The following MYO18A variants were observed in gnomAD, a reference collection of about 807,000 sequenced individuals.
The protein encoded by MYO18A is unconventional myosin-XVIIIa.
MYO18A carries 78 observed loss-of-function variants against 235.8 expected under a neutral mutation model. That is an observed-to-expected ratio of 0.33 (90% confidence interval 0.28 to 0.40). The LOEUF (loss-of-function observed/expected upper bound fraction) is 0.40, where lower values mean the gene tolerates loss of function less well. Ranked by LOEUF, MYO18A falls within the 10% of genes least tolerant of loss-of-function variation. The probability of loss-of-function intolerance (pLI) is 1.00; values close to 1 mark genes in which losing one functional copy is unlikely to be tolerated. For missense variants in MYO18A, 2,215 were observed against 2,699.3 expected (o/e 0.82, Z 3.98); for synonymous variants, 977 against 1,077.8 (o/e 0.91, Z 1.83).
chr17:29,097,813 G>T lies in MYO18A; in HGVS notation c.4077C>A (p.Asn1359Lys), dbSNP rs554944735. Reference protein sequence around the residue: ...EARLIRAAEINGEVDDDDAGG... With the variant: ...EARLIRAAEIKGEVDDDDAGG... ...CTGCATCATCATCATCCACTTCCCC[G>T]TTGATCTCCGCTGCCCGGATGAGAC... is the stretch of plus-strand genomic sequence containing the variant. The change falls in exon 26 of 42, where the codon AAC becomes AAA. Residue 1359 changes from asparagine (N) to lysine (K), a missense_variant. Coordinates refer to ENST00000527372, the MANE Select transcript of MYO18A (RefSeq NM_078471.4). The T allele has an allele frequency of 5.0e-6, 8 of 1,613,342 alleles. No homozygotes were observed. The highest frequency in any genetic ancestry group is 5.9e-6 in the Non-Finnish European group (7 of 1,179,568).
At position 29,085,967 on chromosome 17, in the gene MYO18A, A is replaced by G. The variant is rs547168389; in HGVS notation, c.5853-319T>C. On this transcript the variant is annotated intron_variant, in intron 39 of 41. Coordinates refer to ENST00000527372, the MANE Select transcript of MYO18A (RefSeq NM_078471.4). The stretch of plus-strand genomic sequence containing the variant: ...CTAGGGCAGCCCTGGGAGCTTCTCC[A>G]TGGCCTGGTGCTACCCCGCACTGCT... 4.6e-5 allele frequency among the ~76,000 whole-genome samples: 7 copies of G among 152,334 alleles called. No individual in the cohort carries two copies. The East Asian group carries it at 1.4e-3, about 29-fold the overall frequency.
Position 29,115,650 on chromosome 17 carries a change from G to T in MYO18A, c.2227+14C>A. The T allele has an allele frequency of 1.3e-6, 2 of 1,578,392 alleles. No homozygotes were observed. Among genetic ancestry groups the T allele is most frequent in the East Asian group, 2.3e-5 (1 of 44,190 alleles). ...CCTCACACTCACAACTACCAGCCAA[G>T]GGACAAAGGGTACCTGTCCCATCTC... is the stretch of plus-strand genomic sequence containing the variant. On this transcript the variant is annotated intron_variant, in intron 12 of 41. Coordinates refer to ENST00000527372, the MANE Select transcript of MYO18A (RefSeq NM_078471.4).
intron 1 of MYO18A, among the ~76,000 whole-genome samples, chr17:29,167,921 G>A (rs2068318677): frequency 6.6e-6 from 1 of 152,126 alleles, no homozygotes; most frequent in South Asian, 2.1e-4. Flanking sequence ...CCTAATGCCA[G>A]GCACTTTACA....
chr17:29,159,524 A>AAAAC (rs1441987278), intron 2 of MYO18A, among the ~76,000 whole-genome samples: 1 of 152,240 alleles, frequency 6.6e-6, no homozygotes, highest in Non-Finnish European at 1.5e-5. Flanking sequence ...AAAACAAAAC[A>AAAAC]AAACAAAAAC....
intron 37 of MYO18A, among the ~76,000 whole-genome samples, chr17:29,088,467 T>C (rs1008624419): frequency 2.0e-5 from 3 of 152,156 alleles, no homozygotes; most frequent in Non-Finnish European, 4.4e-5. Context: ...TAATGCCATC[T>C]AGATGCCCAC....
chr17:29,133,989 C>G (rs1276107987), intron 2 of MYO18A: 1 of 530,352 alleles, frequency 1.9e-6, no homozygotes, highest in East Asian at 7.2e-5. Flanking sequence ...GGAAGGATTA[C>G]AAAACTCAAG....
Position 29,073,588 on chromosome 17 carries a change from A to C in MYO18A, c.*1182T>G. On this transcript the variant is annotated 3_prime_UTR_variant, in exon 42 of 42. Coordinates refer to ENST00000527372, the MANE Select transcript of MYO18A (RefSeq NM_078471.4). ...GGGAGAGCACAGCCCAGTGAGTACA[A>C]ACCAATTGCAGGAGAGAAGGGGGGC... 1 of 431,514 alleles carries C rather than the reference A, an allele frequency of 2.3e-6. No homozygotes were observed. The allele number at this position is 431,514 out of a possible 1,614,324, so 26.7% of individuals were successfully genotyped here.
At chr17:29,104,844 G>A (rs538966772) in intron 20 of MYO18A, among the ~76,000 whole-genome samples, 5 of 152,136 alleles carry the variant, frequency 3.3e-5, no homozygotes, top group African/African-American at 1.2e-4. Flanking sequence ...CAGAAAGAAC[G>A]GAGCCCCATG....
rs773598267 is a variant in MYO18A at position 29,111,472 on chromosome 17, T to C, written c.2852A>G (p.Gln951Arg). 6.2e-7 allele frequency: 1 copy of C among 1,612,550 alleles called. No individual in the cohort carries two copies. The highest frequency in any genetic ancestry group is 1.7e-5 in the Admixed American group (1 of 59,754). ...NVTGWLNYTK[Q>R]NPATQNAPRL... ...GGGGGCATTCTGGGTGGCTGGGTTC[T>C]GCTTGGTGTAGTTCAGCCAGCCAGT... The change falls in exon 17 of 42, where the codon CAG becomes CGG. Residue 951 changes from glutamine (Q) to arginine (R), a missense_variant. Coordinates refer to ENST00000527372, the MANE Select transcript of MYO18A (RefSeq NM_078471.4). This position sits in a 1 kb window ranked among gnomAD's most constrained non-coding sequence, Gnocchi z 5.1.
At chr17:29,101,554 A>G (rs1208428600) in intron 21 of MYO18A, among the ~76,000 whole-genome samples, 3 of 152,150 alleles carry the variant, frequency 2.0e-5, no homozygotes, top group African/African-American at 7.2e-5. Flanking sequence ...CAATCTGCCC[A>G]CCTCAGCCTC....
intron 18 of MYO18A, 101 bp downstream of exon 18, chr17:29,110,335 G>T: frequency 7.3e-7 from 1 of 1,372,382 alleles, no homozygotes; most frequent in Non-Finnish European, 9.7e-7. Flanking sequence ...GACGCTGAGT[G>T]GGCACCAGAT....
chr17:29,099,922 C>G (rs1002711623), intron 21 of MYO18A, among the ~76,000 whole-genome samples, 160 bp from the exon 22 acceptor site: 3 of 151,322 alleles, frequency 2.0e-5, no homozygotes, highest in African/African-American at 7.3e-5. Context: ...AGGGGAGGAG[C>G]AGGAAGAGGC....
chr17:29,109,782 C>T lies in MYO18A; in HGVS notation c.3331+76G>A, dbSNP rs2066881756. The T allele has an allele frequency of 6.0e-6, 9 of 1,505,776 alleles. No homozygotes were observed. The highest frequency in any genetic ancestry group is 4.0e-5 in the Admixed American group (2 of 49,728). The allele number at this position is 1,505,776 out of a possible 1,614,324, so 93.3% of individuals were successfully genotyped here. On this transcript the variant is annotated intron_variant, in intron 19 of 41. Transcript: ENST00000527372. The surrounding 1 kb of genome is among the most constrained non-coding windows in gnomAD (Gnocchi z 4.1). Reference sequence around the variant, plus strand: ...AGCAGCCCCACTGCAGCCCACGGGTCGCAGGTGGGAGGTGGGGCCGGGCAG... The same window carrying T: ...AGCAGCCCCACTGCAGCCCACGGGTTGCAGGTGGGAGGTGGGGCCGGGCAG...
intron 2 of MYO18A, chr17:29,165,263 A>G (rs1388013563): frequency 2.0e-5 from 3 of 152,164 alleles, no homozygotes; most frequent in South Asian, 2.1e-4. Flanking sequence ...TTTATCCCCA[A>G]GATCTAAATA....
chr17:29,148,984 G>C (rs1361209676), intron 2 of MYO18A, among the ~76,000 whole-genome samples: 1 of 152,232 alleles, frequency 6.6e-6, no homozygotes, highest in Admixed American at 6.5e-5. Flanking sequence ...CAGCACATGC[G>C]CCTAGAGCCC....
chr17:29,151,774 T>G (rs2067968430), intron 2 of MYO18A, among the ~76,000 whole-genome samples: 1 of 152,202 alleles, frequency 6.6e-6, no homozygotes, highest in Non-Finnish European at 1.5e-5. Flanking sequence ...TATCTGATGT[T>G]AGTACTCCTA....
In MYO18A at chr17:29,112,704, C is replaced by T. The variant is rs193231180; in HGVS notation, c.2599-841G>A. On this transcript the variant is annotated intron_variant, in intron 15 of 41. Transcript: ENST00000527372. ...TCTTGGGCAGGAAGGATGGAACCTT[C>T]CCCACACCCTATTCTGGCCTGGCCT... Among the ~76,000 whole-genome samples the T allele has an allele frequency of 2.3e-3, 351 of 152,328 alleles. 7 individuals carry two copies. The highest frequency in any genetic ancestry group is 2.5e-4 in the Non-Finnish European group (17 of 68,020).
intron 36 of MYO18A, 159 bp from the exon 37 acceptor site, chr17:29,090,257 C>T (rs377579435): frequency 2.5e-6 from 2 of 806,690 alleles, no homozygotes; most frequent in Non-Finnish European, 1.9e-6. Flanking sequence ...AGGCCTCCCC[C>T]ATCTGCCCCA....
chr17:29,082,556 G>T, intron 40 of MYO18A, 118 bp from the exon 41 acceptor site: 1 of 1,035,096 alleles, frequency 9.7e-7, no homozygotes, highest in Non-Finnish European at 1.4e-6. Flanking sequence ...CATGCACGTC[G>T]GTGAGTCGGG....
Sources: gnomAD v4.1 joint callset for allele counts (sites outside exome capture counted in the v4.1 genomes callset) on GRCh38, gnomAD v4.1.1 for gene constraint, Gnocchi (gnomAD v3.1) non-coding constraint, MANE v1.5 for transcripts, NCBI Gene and HGNC (gene_info 2026-07-23, HGNC 2026-07-21) for gene names.